The following ANKRD31 variants were observed in gnomAD, a reference collection of about 807,000 sequenced individuals.
ANKRD31 encodes ankyrin repeat domain 31.
ANKRD31 carries 147 observed loss-of-function variants against 186.0 expected under a neutral mutation model. The observed-to-expected ratio is 0.79, with a 90% CI of 0.69 to 0.91. The LOEUF is 0.91. Among genes scored for constraint, ANKRD31 ranks in the 40% least tolerant of loss-of-function variants. The probability of loss-of-function intolerance (pLI) is 0.00; values close to 1 mark genes in which losing one functional copy is unlikely to be tolerated. For missense variants in ANKRD31, 1,986 were observed against 2,148.8 expected, an observed-to-expected ratio of 0.92 and a Z score of 1.50; for synonymous variants, 673 against 736.4, an observed-to-expected ratio of 0.91 and a Z score of 1.39.
chr5:75,183,912 A>G (rs1375115262), intron 10 of ANKRD31, among the ~76,000 whole-genome samples: 2 of 152,120 alleles, frequency 1.3e-5, no homozygotes, highest in Non-Finnish European at 2.9e-5. Context: ...AAAAATCCCT[A>G]AAATTCATGT....
At position 75,192,710 on chromosome 5, in the gene ANKRD31, A is replaced by G. The variant is rs1253343389; in HGVS notation, c.1365T>C (p.Asn455=). 6.5e-7 allele frequency: 1 copy of G among 1,535,124 alleles called. No individual in the cohort carries two copies. The highest frequency in any genetic ancestry group is 8.7e-7 in the Non-Finnish European group (1 of 1,145,960). ...GTTCATTTTTCCTGATCTGTTTTCC[A>G]TTCTTGAACCTTGCTGAATGCATAT... ...EKNMHSARFK[N]GKQIRKNEQF... The change falls in exon 9 of 26, where the codon AAT becomes AAC. Residue 455 remains asparagine, a synonymous_variant. Coordinates refer to ENST00000506364, the MANE Select transcript of ANKRD31 (RefSeq NM_001372053.1).
intron 17 of ANKRD31, among the ~76,000 whole-genome samples, chr5:75,132,618 C>T (rs1423032485): frequency 1.3e-5 from 2 of 152,086 alleles, no homozygotes; most frequent in East Asian, 3.8e-4. Flanking sequence ...GAGAACTTCC[C>T]CAATCTAGCA....
intron 17 of ANKRD31, among the ~76,000 whole-genome samples, chr5:75,135,151 TG>T (rs1750458957): frequency 6.6e-6 from 1 of 152,190 alleles, no homozygotes; most frequent in Admixed American, 6.5e-5. Flanking sequence ...AACATACTTT[TG>T]GAAGTTCTGG....
chr5:75,159,888 G>C (rs1486209747), intron 11 of ANKRD31, among the ~76,000 whole-genome samples: 3 of 151,954 alleles, frequency 2.0e-5, no homozygotes, highest in South Asian at 4.1e-4. Flanking sequence ...AAAACAATAT[G>C]ATATTGTATT....
intron 4 of ANKRD31, among the ~76,000 whole-genome samples, chr5:75,209,076 C>A (rs532756573): frequency 6.6e-6 from 1 of 152,116 alleles, no homozygotes; most frequent in Non-Finnish European, 1.5e-5. Context: ...ATTTAATCAA[C>A]AATACTTTCC....
intron 24 of ANKRD31, among the ~76,000 whole-genome samples, chr5:75,081,386 AAAAT>A (rs1187797019): frequency 1.3e-5 from 2 of 152,220 alleles, no homozygotes; most frequent in African/African-American, 4.8e-5. Flanking sequence ...AGGATTTGTG[AAAAT>A]AAATAAATAA....
chr5:75,175,850 C>T (rs757805974), intron 10 of ANKRD31, among the ~76,000 whole-genome samples: 62 of 152,148 alleles, frequency 4.1e-4, no homozygotes, highest in Non-Finnish European at 7.8e-4. Flanking sequence ...ACTGCGGTAC[C>T]GAGTTCATCT....
chr5:75,076,316 T>C (rs3923323), intron 25 of ANKRD31, among the ~76,000 whole-genome samples: 21,411 of 152,162 alleles, frequency 0.14, 1,651 homozygotes, highest in Non-Finnish European at 0.16. Context: ...TGTCTACAAA[T>C]TAGAGGGTTT....
intron 24 of ANKRD31, among the ~76,000 whole-genome samples, chr5:75,083,169 T>C (rs2150016945): frequency 6.6e-6 from 1 of 152,334 alleles, no homozygotes; most frequent in South Asian, 2.1e-4. Flanking sequence ...GATCCAATCT[T>C]TTTAATAATT....
At chr5:75,130,186 G>A (rs1053539192) in intron 17 of ANKRD31, among the ~76,000 whole-genome samples, 14 of 152,308 alleles carry the variant, frequency 9.2e-5, no homozygotes, top group South Asian at 4.2e-4. Context: ...AAGGTGGCAC[G>A]TCTGGAGTTG....
chr5:75,087,987 C>T (rs1469678621), intron 23 of ANKRD31, among the ~76,000 whole-genome samples: 5 of 152,126 alleles, frequency 3.3e-5, no homozygotes, highest in Admixed American at 2.6e-4. Context: ...TCCAAAACTC[C>T]TGGATATTTG....
rs537903003 is a variant in ANKRD31 at position 75,149,054 on chromosome 5, G to A, written c.1853-426C>T. Among the ~76,000 whole-genome samples the A allele has an allele frequency of 8.6e-5, 13 of 151,928 alleles. No individual in the cohort carries two copies. In the East Asian group the frequency reaches 2.1e-3, roughly 25 times the overall value. ...CTTAATAAGGTCCTAATTGAATGCT[G>A]CATTCTCTTTAAAGTAAAACATACA... On this transcript the variant is annotated intron_variant, in intron 12 of 25. Transcript: ENST00000506364.
intron 22 of ANKRD31, among the ~76,000 whole-genome samples, chr5:75,100,578 A>G (rs1198965162): frequency 6.6e-6 from 1 of 152,126 alleles, no homozygotes; most frequent in Non-Finnish European, 1.5e-5. Flanking sequence ...GTAGGTCTCT[A>G]AGGACTTGCT....
At chr5:75,100,794 C>T (rs946445959) in intron 22 of ANKRD31, among the ~76,000 whole-genome samples, 36 of 152,212 alleles carry the variant, frequency 2.4e-4, no homozygotes, top group African/African-American at 8.7e-4. Flanking sequence ...TCCTCCATCC[C>T]TTTATTTTGA....
chr5:75,087,024 T>G (rs1580296127), intron 23 of ANKRD31, among the ~76,000 whole-genome samples: 1 of 152,244 alleles, frequency 6.6e-6, no homozygotes, highest in East Asian at 1.9e-4. Context: ...AGAAATAAAG[T>G]GCAGTATTGT....
intron 11 of ANKRD31, among the ~76,000 whole-genome samples, chr5:75,163,942 G>A (rs1281471392): frequency 2.0e-5 from 3 of 152,204 alleles, no homozygotes; most frequent in South Asian, 4.1e-4. Flanking sequence ...TCCAAAGGTA[G>A]AGCCTAATTT....
rs1004961901 is a variant in ANKRD31, at chr5:75,146,762, A to C, written c.2649T>G (p.Phe883Leu). Residue 883 changes from phenylalanine (F) to leucine (L), a missense_variant, in exon 14 of 26, where the codon TTT (phenylalanine) becomes TTG (leucine). Phe to Leu is a conservative substitution (Grantham distance 22). Coordinates refer to ENST00000506364, the MANE Select transcript of ANKRD31 (RefSeq NM_001372053.1). Reference protein sequence around the residue: ...NSNLVPKDERFNKWENSFLSF... With the variant: ...NSNLVPKDERLNKWENSFLSF... ...ATAGGAAAGAATTTTCCCATTTGTT[A>C]AATCTCTCATCTTTTGGGACCAAGT... is the stretch of plus-strand genomic sequence containing the variant. The C allele has an allele frequency of 6.5e-7, 1 of 1,536,198 alleles. No homozygotes were observed. The highest frequency in any genetic ancestry group is 1.4e-5 in the African/African-American group (1 of 72,978).
At chr5:75,140,234 A>G (rs866736539) in intron 15 of ANKRD31, among the ~76,000 whole-genome samples, 5 of 101,760 alleles carry the variant, frequency 4.9e-5, no homozygotes, top group East Asian at 5.0e-4. Flanking sequence ...AAAGAAAGAA[A>G]GAAGGAAGGA....
At chr5:75,130,111 G>C (rs1561452347) in intron 17 of ANKRD31, among the ~76,000 whole-genome samples, 2 of 152,252 alleles carry the variant, frequency 1.3e-5, no homozygotes, top group East Asian at 3.9e-4. Context: ...CTACTGGTGG[G>C]TTCTTGGTCT....
Sources: gnomAD v4.1 joint callset for allele counts (sites outside exome capture counted in the v4.1 genomes callset) on GRCh38, gnomAD v4.1.1 for gene constraint, MANE v1.5 for transcripts, NCBI Gene and HGNC (gene_info 2026-07-23, HGNC 2026-07-21) for gene names.